CNTNAP2: variants seen among roughly 807,000 people sequenced by gnomAD.
CNTNAP2 encodes the protein contactin associated protein 2.
In CNTNAP2, 98 loss-of-function variants were observed where a neutral mutation model predicts 155.2. The ratio of observed to expected loss-of-function variants is 0.63; its 90% confidence interval spans 0.54 to 0.75. The LOEUF is 0.75. CNTNAP2 is among the 30% of genes least tolerant of loss of function. The pLI, the probability that CNTNAP2 is intolerant of heterozygous loss-of-function variation, is 0.00. For missense variants in CNTNAP2, 1,727 were observed against 1,688.1 expected, an observed-to-expected ratio of 1.02 and a Z score of -0.40; for synonymous variants, 651 against 631.2, an observed-to-expected ratio of 1.03 and a Z score of -0.47.
At chr7:148,181,906 T>G (rs917988798) in intron 18 of CNTNAP2, among the ~76,000 whole-genome samples, 2 of 151,646 alleles carry the variant, frequency 1.3e-5, no homozygotes, top group Non-Finnish European at 2.9e-5. Context: ...TACAGGCGCC[T>G]GCCACCACAC....
intron 1 of CNTNAP2, among the ~76,000 whole-genome samples, chr7:146,450,973 G>A (rs889458910): frequency 1.4e-5 from 2 of 137,990 alleles, no homozygotes; most frequent in Non-Finnish European, 3.1e-5. Flanking sequence ...TTGAGACGGA[G>A]TCTTGCCCTG....
rs374706799 is a variant in CNTNAP2, at chr7:148,057,351, A to C, written c.2384-60767A>C. Among the ~76,000 whole-genome samples the C allele has an allele frequency of 2.0e-5, 3 of 152,284 alleles. No homozygotes were observed. The East Asian group carries it at 5.8e-4, about 29-fold the overall frequency. ...TGGATAGTCTGCGTGTGGATAACAC[A>C]TCAGCAAGGAATAGAGACAACGCCT... On this transcript the variant is annotated intron_variant, in intron 15 of 23. Coordinates refer to ENST00000361727, the MANE Select transcript of CNTNAP2 (RefSeq NM_014141.6).
At chr7:146,996,282 G>A (rs909533278) in intron 3 of CNTNAP2, among the ~76,000 whole-genome samples, 6 of 151,796 alleles carry the variant, frequency 4.0e-5, no homozygotes, top group South Asian at 2.1e-4. Context: ...GATAGGGATC[G>A]AATTGCATTG....
chr7:146,665,783 T>TAAAAAAACAAAAAAAAAAAA (rs1554464843), intron 1 of CNTNAP2, among the ~76,000 whole-genome samples: 2 of 48,282 alleles, frequency 4.1e-5, no homozygotes, highest in African/African-American at 2.3e-4. Context: ...TCTGTCTCAT[T>TAAAAAAACAAAAAAAAAAAA]AAAAAAAAAA....
intron 20 of CNTNAP2, among the ~76,000 whole-genome samples, chr7:148,260,881 C>T (rs1336723599): frequency 5.9e-5 from 9 of 152,134 alleles, no homozygotes; most frequent in Admixed American, 5.9e-4. Flanking sequence ...CCAAAAGCAG[C>T]CAGGCCTAAG....
chr7:146,385,632 A>G (rs538279513), intron 1 of CNTNAP2, among the ~76,000 whole-genome samples: 4 of 152,186 alleles, frequency 2.6e-5, no homozygotes, highest in Non-Finnish European at 5.9e-5. Context: ...TCCATTTATA[A>G]TTAGGGATAC....
At chr7:147,277,314 G>A (rs534361641) in intron 8 of CNTNAP2, among the ~76,000 whole-genome samples, 5 of 151,946 alleles carry the variant, frequency 3.3e-5, no homozygotes, top group Non-Finnish European at 7.4e-5. Flanking sequence ...TCAGGTACAT[G>A]TCATAATGAG....
At chr7:147,407,907 A>G (rs1484583512) in intron 10 of CNTNAP2, among the ~76,000 whole-genome samples, 2 of 152,234 alleles carry the variant, frequency 1.3e-5, no homozygotes, top group Non-Finnish European at 2.9e-5. Flanking sequence ...AGGCATGAGC[A>G]GAAGTGTGGA....
At chr7:146,496,144 G>A (rs777018453) in intron 1 of CNTNAP2, among the ~76,000 whole-genome samples, 11 of 152,088 alleles carry the variant, frequency 7.2e-5, no homozygotes, top group Admixed American at 1.3e-4. Flanking sequence ...TAACCCATGC[G>A]ACGTGAAGAA....
At chr7:146,463,443 T>A (rs986072097) in intron 1 of CNTNAP2, among the ~76,000 whole-genome samples, 30 of 152,106 alleles carry the variant, frequency 2.0e-4, no homozygotes, top group African/African-American at 7.2e-4. Flanking sequence ...TCCAGTGGAA[T>A]CAATATGTTA....
At chr7:146,517,923 C>T (rs142312029) in intron 1 of CNTNAP2, among the ~76,000 whole-genome samples, 67 of 151,916 alleles carry the variant, frequency 4.4e-4, no homozygotes, top group East Asian at 1.4e-3. Flanking sequence ...TTGGAAGAGG[C>T]GCTTTCAAAT....
At chr7:147,148,383 C>G (rs1801754557) in intron 8 of CNTNAP2, among the ~76,000 whole-genome samples, 1 of 133,924 alleles carries the variant, frequency 7.5e-6, no homozygotes, top group African/African-American at 2.8e-5. Flanking sequence ...GAGCGAGACT[C>G]CGTCTCAAAA....
intron 4 of CNTNAP2, among the ~76,000 whole-genome samples, chr7:147,069,404 C>G (rs970060956): frequency 6.6e-6 from 1 of 152,150 alleles, no homozygotes; most frequent in Non-Finnish European, 1.5e-5. Flanking sequence ...TCTGTTCACC[C>G]TCAGAAGAAG....
chr7:148,368,105 G>A (rs1298671170), intron 21 of CNTNAP2, among the ~76,000 whole-genome samples: 2 of 152,180 alleles, frequency 1.3e-5, no homozygotes, highest in South Asian at 2.1e-4. Flanking sequence ...ACTCCCTTTA[G>A]GTGTCTAAGA....
chr7:147,116,601 T>C (rs1341170075), intron 5 of CNTNAP2, among the ~76,000 whole-genome samples: 3 of 152,108 alleles, frequency 2.0e-5, no homozygotes, highest in African/African-American at 7.2e-5. Flanking sequence ...ACAAAACAGC[T>C]ATGTTGTGGT....
At chr7:147,796,002 A>G (rs1797887316) in intron 13 of CNTNAP2, among the ~76,000 whole-genome samples, 2 of 152,174 alleles carry the variant, frequency 1.3e-5, no homozygotes, top group African/African-American at 4.8e-5. Context: ...TAGATCCACA[A>G]TATAGTAAAA....
At chr7:147,276,236 T>G (rs1409609012) in intron 8 of CNTNAP2, among the ~76,000 whole-genome samples, 5 of 147,688 alleles carry the variant, frequency 3.4e-5, no homozygotes, top group African/African-American at 7.5e-5. Context: ...TTTTTTTTTT[T>G]GGAATAGTTT....
chr7:148,265,985 G>A (rs527878105), intron 20 of CNTNAP2, among the ~76,000 whole-genome samples: 2 of 152,280 alleles, frequency 1.3e-5, no homozygotes, highest in Admixed American at 1.3e-4. Context: ...CTGAAGGACA[G>A]TTTTTTGCCT....
intron 21 of CNTNAP2, among the ~76,000 whole-genome samples, chr7:148,359,008 C>T (rs1798570764): frequency 6.6e-6 from 1 of 152,218 alleles, no homozygotes. Context: ...CAACCACAGA[C>T]TGTGTGTACA....
Sources: gnomAD v4.1 joint callset for allele counts (sites outside exome capture counted in the v4.1 genomes callset) on GRCh38, gnomAD v4.1.1 for gene constraint, MANE v1.5 for transcripts, NCBI Gene and HGNC (gene_info 2026-07-23, HGNC 2026-07-21) for gene names.